The following VPS37B variants were observed in gnomAD, a reference collection of about 807,000 sequenced individuals.
The protein encoded by VPS37B is VPS37B subunit of ESCRT-I.
In VPS37B, 11 loss-of-function variants were observed where a neutral mutation model predicts 21.2. The ratio of observed to expected loss-of-function variants is 0.52; its 90% CI spans 0.33 to 0.86. The LOEUF is 0.86. Among genes scored for constraint, VPS37B ranks in the 40% least tolerant of loss-of-function variants. The pLI is 0.03. For synonymous variants in VPS37B, 175 were observed against 159.6 expected (o/e 1.10, Z -0.73); for missense variants, 389 against 374.8 (o/e 1.04, Z -0.31).
intron 1 of VPS37B, chr12:122,878,357 CAAAAAAAAAAA>C (rs142113744): frequency 8.1e-5 from 5 of 61,384 alleles, no homozygotes; most frequent in African/African-American, 2.6e-4. Context: ...GACTCCGTCT[CAAAAAAAAAAA>C]AAAAAAGAAA....
In VPS37B at chr12:122,870,915, G is replaced by A. The variant is rs769389670; in HGVS notation, c.258C>T (p.Ala86=). 3.1e-6 allele frequency: 5 copies of A among 1,613,942 alleles called. No individual in the cohort carries two copies. Among genetic ancestry groups the A allele is most frequent in the Non-Finnish European group, 4.2e-6 (5 of 1,179,948 alleles). Residue 86 remains alanine, a synonymous_variant, in exon 2 of 4, where the codon GCC becomes GCT. Coordinates refer to ENST00000267202, the MANE Select transcript of VPS37B (RefSeq NM_024667.3). ...CTAATTTGGTCTTCTTTATCTGATA[G>A]GCTTCAAAGAGAACCTGGAGTTCCT... ...KYQELQVLFE[A]YQIKKTKLDR... is the part of the protein sequence containing the mutation.
In VPS37B at chr12:122,866,879, A is replaced by G. The variant is rs2033910770; in HGVS notation, c.*237T>C. On this transcript the variant is annotated 3_prime_UTR_variant, in exon 4 of 4. Transcript: ENST00000267202. Reference sequence around the variant, plus strand: ...TAAGATACTTAGAAATCACACGGATAATGCAAACCGATGCAACGCACAGGT... The same window carrying G: ...TAAGATACTTAGAAATCACACGGATGATGCAAACCGATGCAACGCACAGGT... 2.3e-6 allele frequency: 1 copy of G among 436,290 alleles called. No homozygotes were observed. The allele number at this position is 436,290 out of a possible 1,614,324, so 27.0% of individuals were successfully genotyped here. A position where few individuals can be genotyped will look rare whatever the true frequency, so the allele number is the denominator to read the frequency against.
At position 122,868,657 on chromosome 12, in the gene VPS37B, G is replaced by A; in HGVS notation, c.284-95C>T. ...CGGCAGGATTGCACCTTCCTTTCCA[G>A]GAAGCTGAATGTGAAAGGCTTGAAA... is the stretch of plus-strand genomic sequence containing the variant. On this transcript the variant is annotated intron_variant, in intron 2 of 3. Coordinates refer to ENST00000267202, the MANE Select transcript of VPS37B (RefSeq NM_024667.3). The surrounding 1 kb of genome is among the most constrained non-coding windows in gnomAD (Gnocchi z 5.5). The A allele has an allele frequency of 5.4e-6, 6 of 1,108,394 alleles. No homozygotes were observed. Among genetic ancestry groups the A allele is most frequent in the Admixed American group, 2.0e-5 (1 of 49,824 alleles). 68.7% of individuals were successfully genotyped at this position (1,108,394 alleles called of 1,614,324 possible). A position where few individuals can be genotyped will look rare whatever the true frequency, so the allele number is the denominator to read the frequency against.
At chr12:122,884,578 G>A (rs1203328134) in intron 1 of VPS37B, 1 of 152,050 alleles carries the variant, frequency 6.6e-6, no homozygotes, top group Non-Finnish European at 1.5e-5. Flanking sequence ...TGAGATTCCA[G>A]TGTAGGAGCA....
chr12:122,890,721 C>T (rs1021558542), intron 1 of VPS37B, among the ~76,000 whole-genome samples: 1 of 152,192 alleles, frequency 6.6e-6, no homozygotes, highest in African/African-American at 2.4e-5. Flanking sequence ...GTTGACAGTT[C>T]AGTGGCACCG....
In VPS37B at chr12:122,867,466, G is replaced by A. The variant is rs2033929990; in HGVS notation, c.508C>T (p.Pro170Ser). The A allele has an allele frequency of 6.2e-7, 1 of 1,613,750 alleles. No homozygotes were observed. The highest frequency in any genetic ancestry group is 8.5e-7 in the Non-Finnish European group (1 of 1,179,980). The change falls in exon 4 of 4, where the codon CCA becomes TCA. Residue 170 changes from proline to serine, a missense_variant. By Grantham distance (74) the Pro-to-Ser change is moderately conservative (BLOSUM62 -1). Transcript: ENST00000267202. The surrounding 1 kb of genome is among the most constrained non-coding windows in gnomAD (Gnocchi z 5.5). Reference protein sequence around the residue: ...QEMVLKGQRLPQALAPLPPRL... With the variant: ...QEMVLKGQRLSQALAPLPPRL... ...GGGGGCAGCGGGGCCAGGGCCTGTGGGAGTCTCTGCCCCTTTAGGACCATC... is the reference window on the plus strand; with the variant it reads ...GGGGGCAGCGGGGCCAGGGCCTGTGAGAGTCTCTGCCCCTTTAGGACCATC...
chr12:122,886,232 T>C (rs1342047051), intron 1 of VPS37B: 3 of 152,220 alleles, frequency 2.0e-5, no homozygotes, highest in African/African-American at 4.8e-5. Flanking sequence ...AAGGACTCAG[T>C]CCTGTGAGCT....
intron 1 of VPS37B, chr12:122,874,188 G>A (rs563921398): frequency 2.0e-5 from 3 of 152,328 alleles, no homozygotes; most frequent in East Asian, 1.9e-4. Flanking sequence ...GAAAGACAGC[G>A]CTCAATGCAG....
Position 122,866,976 on chromosome 12 carries a change from C to T in VPS37B, c.*140G>A. On this transcript the variant is annotated 3_prime_UTR_variant, in exon 4 of 4. Transcript: ENST00000267202. ...TGGGCTCCTACTACTCACCACTGAC[C>T]TACAGTTCTAAAATCAGACAGACAC... 8.7e-7 allele frequency: 1 copy of T among 1,155,508 alleles called. No homozygotes were observed. The highest frequency in any genetic ancestry group is 1.6e-5 in the African/African-American group (1 of 63,828). The allele number at this position is 1,155,508 out of a possible 1,614,324, so 71.6% of individuals were successfully genotyped here.
chr12:122,871,923 C>T (rs574701843), intron 1 of VPS37B: 2 of 985,408 alleles, frequency 2.0e-6, no homozygotes, highest in African/African-American at 3.5e-5. Context: ...TCTACCACAG[C>T]CCAGCCGCCG....
At chr12:122,892,703 G>A (rs1383641636) in intron 1 of VPS37B, among the ~76,000 whole-genome samples, 1 of 152,106 alleles carries the variant, frequency 6.6e-6, no homozygotes, top group African/African-American at 2.4e-5. Context: ...AGATGGTTTA[G>A]GGCCAGGAAT....
intron 1 of VPS37B, among the ~76,000 whole-genome samples, chr12:122,892,799 G>A (rs75312818): frequency 7.9e-5 from 12 of 152,274 alleles, no homozygotes; most frequent in South Asian, 4.1e-4. Flanking sequence ...GGTGGCTCAC[G>A]CCTTTAATTC....
In VPS37B at chr12:122,870,878, T is replaced by G. The variant is rs2034014195; in HGVS notation, c.283+12A>C. ...ACTCTTTATTCTCGAATGATCACCCTTAAAAAGTTACCTAATTTGGTCTTC... is the reference window on the plus strand; with the variant it reads ...ACTCTTTATTCTCGAATGATCACCCGTAAAAAGTTACCTAATTTGGTCTTC... On this transcript the variant is annotated intron_variant, in intron 2 of 3. Transcript: ENST00000267202. 1 of 1,603,184 alleles carries G rather than the reference T, an allele frequency of 6.2e-7. No homozygotes were observed. Among genetic ancestry groups the G allele is most frequent in the Non-Finnish European group, 8.5e-7 (1 of 1,173,670 alleles).
At position 122,896,089 on chromosome 12, in the gene VPS37B, CGCCGCT is replaced by C. The variant is rs2034491108; in HGVS notation, c.-33_-28del. 1 of 1,548,696 alleles carries C rather than the reference CGCCGCT, an allele frequency of 6.5e-7. No individual in the cohort carries two copies. Among genetic ancestry groups the C allele is most frequent in the South Asian group, 1.2e-5 (1 of 86,312 alleles). ...CCCACGTCTCGGCCGTCGTCGCCAC[CGCCGCT>C]GCGGCCACCAGGCTCCGCCGACCGG... On this transcript the variant is annotated 5_prime_UTR_variant, in exon 1 of 4. Coordinates refer to ENST00000267202, the MANE Select transcript of VPS37B (RefSeq NM_024667.3).
At chr12:122,895,809 C>A in intron 1 of VPS37B, 143 bp downstream of exon 1, 1 of 692,766 alleles carries the variant, frequency 1.4e-6, no homozygotes, top group South Asian at 1.7e-5. Context: ...GCTCCCGCAC[C>A]CCGCCCCAAG....
intron 1 of VPS37B, chr12:122,877,903 C>CTTTTTTTT (rs2034181029): frequency 6.6e-6 from 1 of 151,672 alleles, no homozygotes; most frequent in African/African-American, 2.4e-5. Flanking sequence ...TTCTTCTGTG[C>CTTTTTTTT]TTGTTTGTTC....
At chr12:122,871,991 G>A (rs1035246188) in intron 1 of VPS37B, 3 of 985,150 alleles carry the variant, frequency 3.0e-6, no homozygotes, top group Middle Eastern at 5.2e-4. Context: ...CTTACCCAGC[G>A]TGTGTCCCTG....
rs58184987 is a variant in VPS37B, at chr12:122,867,944, TG to T, written c.367-338del. On this transcript the variant is annotated intron_variant, in intron 3 of 3. Transcript: ENST00000267202. The surrounding 1 kb of genome is among the most constrained non-coding windows in gnomAD (Gnocchi z 5.5). ...CAACACCTCCTTGCTTCCACCCGGC[TG>T]CACCCTGACTGACAGACTCGCCCTG... Among the ~76,000 whole-genome samples, 10,715 of 152,240 alleles carry T rather than the reference TG, an allele frequency of 0.07. 1,221 individuals carry two copies. Among genetic ancestry groups the T allele is most frequent in the African/African-American group, 0.24 (10,041 of 41,498 alleles).
At chr12:122,875,903 CCAA>C (rs1292843184) in intron 1 of VPS37B, 3 of 151,548 alleles carry the variant, frequency 2.0e-5, no homozygotes, top group African/African-American at 7.3e-5. Flanking sequence ...ATGGTAGGCA[CCAA>C]CAGATACCTG....
Sources: gnomAD v4.1 joint callset for allele counts (sites outside exome capture counted in the v4.1 genomes callset) on GRCh38, gnomAD v4.1.1 for gene constraint, Gnocchi (gnomAD v3.1) non-coding constraint, MANE v1.5 for transcripts, NCBI Gene and HGNC (gene_info 2026-07-23, HGNC 2026-07-21) for gene names.